RELN: variants seen among roughly 807,000 people sequenced by gnomAD.
The protein encoded by RELN is reelin.
A neutral mutation model predicts 427.6 loss-of-function variants in RELN; 108 were observed. The ratio of observed to expected loss-of-function variants is 0.25; its 90% CI spans 0.22 to 0.30. RELN has a LOEUF of 0.30. Among genes scored for constraint, RELN ranks in the 10% least tolerant of loss-of-function variants. The pLI is 1.00. For missense variants in RELN, 3,715 were observed against 4,302.8 expected, an observed-to-expected ratio of 0.86 and a Z score of 3.82; for synonymous variants, 1,524 against 1,513.4, an observed-to-expected ratio of 1.01 and a Z score of -0.16.
At chr7:103,598,402 C>T (rs1030348589) in intron 24 of RELN, among the ~76,000 whole-genome samples, 1 of 152,090 alleles carries the variant, frequency 6.6e-6, no homozygotes. Context: ...TCAACCCTCC[C>T]GATCATTACA....
chr7:103,842,718 C>T (rs1793582155), intron 2 of RELN, among the ~76,000 whole-genome samples: 1 of 152,070 alleles, frequency 6.6e-6, no homozygotes, highest in Non-Finnish European at 1.5e-5. Context: ...CCAAAAAGCA[C>T]TAAAACCTTT....
At chr7:103,961,614 G>T (rs1227045724) in intron 1 of RELN, among the ~76,000 whole-genome samples, 1 of 152,160 alleles carries the variant, frequency 6.6e-6, no homozygotes, top group Non-Finnish European at 1.5e-5. Flanking sequence ...TGCTTTAGAA[G>T]ACAAGGACAT....
At chr7:103,557,269 T>A (rs1324145570) in intron 37 of RELN, 110 bp from the exon 38 acceptor site, 1 of 951,388 alleles carries the variant, frequency 1.1e-6, no homozygotes, top group African/African-American at 1.6e-5. Context: ...TATGTTTACA[T>A]GGAAGCTTTA....
rs1832678287 is a variant in RELN, at chr7:103,640,674, A to T, written c.2003-65T>A. ...GAACACTACCAGTACAATTTTGTGA[A>T]GTAATACTCATGAAATATGGCCCCT... On this transcript the variant is annotated intron_variant, in intron 16 of 64. Coordinates refer to ENST00000428762, the MANE Select transcript of RELN (RefSeq NM_005045.4). The surrounding 1 kb of genome is among the most constrained non-coding windows in gnomAD (Gnocchi z 4.1). The T allele has an allele frequency of 6.6e-7, 1 of 1,519,432 alleles. No homozygotes were observed. 94.1% of individuals were successfully genotyped at this position (1,519,432 alleles called of 1,614,324 possible). A position where few individuals can be genotyped will look rare whatever the true frequency, so the allele number is the denominator to read the frequency against.
In RELN at chr7:103,472,889, T is replaced by C. The variant is rs1257276738; in HGVS notation, c.10306A>G (p.Met3436Val). ...VLVSTRKQNY[M>V]MNFSRQHGLR... ...CCATGTTGTCGTGAAAAATTCATCA[T>C]GTAATTTTGTTTGCGAGTGCTGTTA... The change falls in exon 65 of 65, where the codon ATG becomes GTG. Residue 3436 changes from methionine (M) to valine (V), a missense_variant. This residue lies in a region of RELN where 195 missense variants were observed against 281.3 expected (regional missense o/e 0.69). Transcript: ENST00000428762. 5 of 1,613,908 alleles carry C rather than the reference T, an allele frequency of 3.1e-6. No individual in the cohort carries two copies. The highest frequency in any genetic ancestry group is 2.2e-5 in the East Asian group (1 of 44,876).
At chr7:103,615,221 C>T (rs1161024744) in intron 20 of RELN, among the ~76,000 whole-genome samples, 5 of 152,138 alleles carry the variant, frequency 3.3e-5, no homozygotes, top group Non-Finnish European at 7.4e-5. Context: ...ATGGGGATAA[C>T]TCCACTTAGG....
intron 20 of RELN, among the ~76,000 whole-genome samples, chr7:103,615,985 T>G (rs1335527669): frequency 6.6e-6 from 1 of 152,178 alleles, no homozygotes; most frequent in Non-Finnish European, 1.5e-5. Flanking sequence ...GTAGAATACT[T>G]GAGCCACAAA....
chr7:103,827,353 G>A (rs1793168514), intron 3 of RELN, among the ~76,000 whole-genome samples: 1 of 151,932 alleles, frequency 6.6e-6, no homozygotes, highest in Admixed American at 6.6e-5. Context: ...AAGGAGAAAA[G>A]AGGGGGGAAA....
intron 24 of RELN, among the ~76,000 whole-genome samples, chr7:103,601,768 G>A (rs1831674213): frequency 6.6e-6 from 1 of 152,060 alleles, no homozygotes; most frequent in Admixed American, 6.5e-5. Context: ...AGGAGAGAGA[G>A]GTGGTTACCC....
Position 103,558,119 on chromosome 7 carries a change from C to T in RELN, c.5530-70G>A. On this transcript the variant is annotated intron_variant, in intron 36 of 64. Transcript: ENST00000428762. ...AAAATTGTATCCCTTTGATTTTATA[C>T]ACCTAACTTGCATTAGCTAAGTAAT... The T allele has an allele frequency of 5.2e-6, 4 of 772,566 alleles. No individual in the cohort carries two copies. In the South Asian group the frequency reaches 5.7e-5, roughly 11 times the overall value. 47.9% of individuals were successfully genotyped at this position (772,566 alleles called of 1,614,324 possible).
chr7:103,873,637 T>C (rs1205642788), intron 2 of RELN, among the ~76,000 whole-genome samples: 5 of 121,962 alleles, frequency 4.1e-5, no homozygotes, highest in Admixed American at 2.6e-4. Context: ...ACACATACAC[T>C]CTCCCAAGAC....
At chr7:103,692,116 A>G (rs1426798880) in intron 10 of RELN, among the ~76,000 whole-genome samples, 3 of 152,156 alleles carry the variant, frequency 2.0e-5, no homozygotes, top group Non-Finnish European at 1.5e-5. Context: ...TTAAAAATTA[A>G]TCTTCCTGCC....
At chr7:103,965,881 C>T (rs1015874394) in intron 1 of RELN, among the ~76,000 whole-genome samples, 3 of 151,992 alleles carry the variant, frequency 2.0e-5, no homozygotes, top group Non-Finnish European at 4.4e-5. Flanking sequence ...TTATTGAAAC[C>T]AATATGCTCT....
chr7:103,617,500 CTA>C (rs1295913063), intron 20 of RELN, among the ~76,000 whole-genome samples: 3 of 149,798 alleles, frequency 2.0e-5, no homozygotes, highest in Non-Finnish European at 3.0e-5. Context: ...TGAAAGGAAT[CTA>C]TATATATGTG....
intron 1 of RELN, among the ~76,000 whole-genome samples, chr7:103,934,833 A>T (rs1795945210): frequency 6.6e-6 from 1 of 152,224 alleles, no homozygotes; most frequent in Non-Finnish European, 1.5e-5. Flanking sequence ...AATGGGAATA[A>T]GAAGAATGTT....
At position 103,542,969 on chromosome 7, in the gene RELN, T is replaced by C. The variant is rs1370650201; in HGVS notation, c.6524-91A>G. 1.1e-5 allele frequency: 13 copies of C among 1,184,196 alleles called. No individual in the cohort carries two copies. In the East Asian group the frequency reaches 4.7e-4, roughly 43 times the overall value. The allele number at this position is 1,184,196 out of a possible 1,614,324, so 73.4% of individuals were successfully genotyped here. On this transcript the variant is annotated intron_variant, in intron 42 of 64. Coordinates refer to ENST00000428762, the MANE Select transcript of RELN (RefSeq NM_005045.4). ...AAAGGAGTATGGTAAATGCATTATG[T>C]AGTTTCAAAATATGAAGTCATAAAT...
chr7:103,512,238 T>A (rs1432409983), intron 50 of RELN, among the ~76,000 whole-genome samples: 1 of 152,110 alleles, frequency 6.6e-6, no homozygotes, highest in Non-Finnish European at 1.5e-5. Context: ...AAGAAATGAG[T>A]TTATAACAAA....
intron 20 of RELN, chr7:103,628,374 C>G (rs571562750): frequency 2.8e-4 from 42 of 152,356 alleles, no homozygotes; most frequent in African/African-American, 1.0e-3. Flanking sequence ...GAACGAAACT[C>G]TGTCTCAGAA....
intron 4 of RELN, among the ~76,000 whole-genome samples, chr7:103,773,193 T>C (rs57362159): frequency 0.032 from 4,276 of 134,062 alleles, 388 homozygotes; most frequent in African/African-American, 0.13. Context: ...TTTCTTTTCT[T>C]TCTTTCTCTC....
Sources: gnomAD v4.1 joint callset for allele counts (sites outside exome capture counted in the v4.1 genomes callset) on GRCh38, gnomAD v4.1.1 for gene constraint, gnomAD v4.1.1 regional missense constraint, Gnocchi (gnomAD v3.1) non-coding constraint, MANE v1.5 for transcripts, NCBI Gene and HGNC (gene_info 2026-07-23, HGNC 2026-07-21) for gene names.